The following CSRP2 variants were observed in gnomAD, a reference collection of about 807,000 sequenced individuals.
The protein encoded by CSRP2 is cysteine and glycine-rich protein 2.
Under a neutral mutation model 24.6 loss-of-function variants are expected in CSRP2, and 18 were observed. The observed-to-expected ratio is 0.73, with a 90% CI of 0.51 to 1.09. The LOEUF is 1.09. CSRP2 is among the 50% of genes least tolerant of loss of function. The pLI is 0.00. For missense variants in CSRP2, 215 were observed against 239.4 expected, an observed-to-expected ratio of 0.90 and a Z score of 0.67; for synonymous variants, 87 against 84.3, an observed-to-expected ratio of 1.03 and a Z score of -0.18.
In CSRP2 at chr12:76,860,266, T is replaced by C. The variant is rs1337473113; in HGVS notation, c.411+18A>G. On this transcript the variant is annotated intron_variant, in intron 4 of 5. Transcript: ENST00000311083. ...GAGAGAAGTCATTTGCTGTTATTAA[T>C]TCCAAATAGCACTTTACCTTTCCAG... The C allele has an allele frequency of 6.2e-7, 1 of 1,611,136 alleles. No individual in the cohort carries two copies. The highest frequency in any genetic ancestry group is 1.1e-5 in the South Asian group (1 of 90,938).
chr12:76,873,081 TAA>T (rs938549071), intron 1 of CSRP2, among the ~76,000 whole-genome samples: 2 of 152,336 alleles, frequency 1.3e-5, no homozygotes, highest in East Asian at 3.9e-4. Flanking sequence ...GCCCTGAAAC[TAA>T]AAGTTTGGAT....
chr12:76,868,993 T>C (rs1197731713), intron 1 of CSRP2, among the ~76,000 whole-genome samples: 2 of 151,466 alleles, frequency 1.3e-5, no homozygotes, highest in African/African-American at 4.8e-5. Flanking sequence ...ACTCTACCCC[T>C]ATCTTAGTCT....
At chr12:76,866,395 G>T in intron 1 of CSRP2, 134 bp from the exon 2 acceptor site, 1 of 597,222 alleles carries the variant, frequency 1.7e-6, no homozygotes, top group Non-Finnish European at 3.0e-6. Context: ...TCAAAGGCCT[G>T]CGTTCCTCCA....
chr12:76,867,241 C>T (rs528013941), intron 1 of CSRP2, among the ~76,000 whole-genome samples: 1 of 150,878 alleles, frequency 6.6e-6, no homozygotes, highest in East Asian at 2.0e-4. Context: ...GTAATCCCAG[C>T]ACTTTCGGAG....
chr12:76,877,393 A>G (rs978164761), intron 1 of CSRP2, among the ~76,000 whole-genome samples: 17 of 152,242 alleles, frequency 1.1e-4, no homozygotes, highest in Non-Finnish European at 1.9e-4. Context: ...ATACATTCGG[A>G]GAAATGCATT....
chr12:76,862,448 AGAG>A (rs1953691331), intron 3 of CSRP2: 1 of 160,846 alleles, frequency 6.2e-6, no homozygotes, highest in African/African-American at 2.4e-5. Context: ...GGCTGAGACA[AGAG>A]AATCACTTGA....
chr12:76,863,180 C>T lies in CSRP2; in HGVS notation c.277G>A (p.Glu93Lys). The T allele has an allele frequency of 6.2e-7, 1 of 1,612,270 alleles. No individual in the cohort carries two copies. ...ACCAACGGTCTCCCAACTCACCTCT[C>T]TGGTTTGATGCCCAGCCTCTCGCCA... ...DRGERLGIKP[E>K]SVQPHRPTTN... is the part of the protein sequence containing the mutation. The change falls in exon 3 of 6, where the codon GAG becomes AAG. Residue 93 changes from glutamate to lysine, a missense_variant. Transcript: ENST00000311083.
intron 1 of CSRP2, among the ~76,000 whole-genome samples, chr12:76,867,357 A>C (rs907196147): frequency 1.5e-5 from 2 of 133,198 alleles, no homozygotes; most frequent in Admixed American, 1.5e-4. Context: ...AAAAAAAAAA[A>C]AGATTAGCCG....
chr12:76,859,038 A>C lies in CSRP2; in HGVS notation c.506-10T>G, dbSNP rs757347974. The C allele has an allele frequency of 8.1e-6, 13 of 1,613,600 alleles. No homozygotes were observed. Among genetic ancestry groups the C allele is most frequent in the Non-Finnish European group, 1.1e-5 (13 of 1,179,506 alleles). On this transcript the variant is annotated splice_polypyrimidine_tract_variant and intron_variant, in intron 5 of 5. Transcript: ENST00000311083. ...TTCTTTGCATAGCATCCTACAAAGG[A>C]AAGGGAGGAAGGATAGTTAGTGCAA...
At chr12:76,871,011 AT>A (rs1219608761) in intron 1 of CSRP2, among the ~76,000 whole-genome samples, 2 of 143,960 alleles carry the variant, frequency 1.4e-5, no homozygotes, top group African/African-American at 5.1e-5. Context: ...GTGGATGGTG[AT>A]AGTTGAATAT....
At chr12:76,871,496 T>C (rs1006436297) in intron 1 of CSRP2, among the ~76,000 whole-genome samples, 38 of 152,154 alleles carry the variant, frequency 2.5e-4, no homozygotes, top group East Asian at 3.9e-4. Context: ...TCAAGCCGGA[T>C]GCGGTGGCTC....
At chr12:76,869,648 C>T (rs966799394) in intron 1 of CSRP2, among the ~76,000 whole-genome samples, 1 of 151,052 alleles carries the variant, frequency 6.6e-6, no homozygotes, top group Non-Finnish European at 1.5e-5. Flanking sequence ...CTTCTCTTAA[C>T]CAGACAGGAA....
At chr12:76,865,845 G>C (rs954926415) in intron 2 of CSRP2, 13 of 343,508 alleles carry the variant, frequency 3.8e-5, no homozygotes, top group African/African-American at 6.5e-5. Flanking sequence ...ACTGTGCTAG[G>C]TGCCAGACCA....
At chr12:76,878,286 G>C (rs1435915044) in intron 1 of CSRP2, 1 of 152,250 alleles carries the variant, frequency 6.6e-6, no homozygotes, top group African/African-American at 2.4e-5. Context: ...GAAAGTTCTG[G>C]AAAAAGCTAG....
chr12:76,871,718 A>C (rs1278035134), intron 1 of CSRP2, among the ~76,000 whole-genome samples: 1 of 150,790 alleles, frequency 6.6e-6, no homozygotes, highest in Non-Finnish European at 1.5e-5. Flanking sequence ...GAGCCGAGAT[A>C]GTGCCACTGC....
At chr12:76,866,437 C>T (rs998873376) in intron 1 of CSRP2, among the ~76,000 whole-genome samples, 176 bp from the exon 2 acceptor site, 1 of 151,570 alleles carries the variant, frequency 6.6e-6, no homozygotes, top group Admixed American at 6.6e-5. Context: ...CAAATAACAA[C>T]TCTTTCATTA....
At chr12:76,869,113 TA>T (rs1164504944) in intron 1 of CSRP2, among the ~76,000 whole-genome samples, 1 of 152,130 alleles carries the variant, frequency 6.6e-6, no homozygotes, top group African/African-American at 2.4e-5. Flanking sequence ...ATGGCAGGTT[TA>T]GTGTCTGCTA....
chr12:76,867,494 G>A (rs1953747349), intron 1 of CSRP2, among the ~76,000 whole-genome samples: 1 of 152,160 alleles, frequency 6.6e-6, no homozygotes, highest in Admixed American at 6.5e-5. Flanking sequence ...GGGCGACAGA[G>A]CGAGACTCTG....
At chr12:76,868,778 A>C (rs1010431175) in intron 1 of CSRP2, among the ~76,000 whole-genome samples, 7 of 151,958 alleles carry the variant, frequency 4.6e-5, no homozygotes, top group African/African-American at 1.7e-4. Context: ...CTAAAAATAC[A>C]AAAAATTAGC....
Sources: gnomAD v4.1 joint callset for allele counts (sites outside exome capture counted in the v4.1 genomes callset) on GRCh38, gnomAD v4.1.1 for gene constraint, MANE v1.5 for transcripts, NCBI Gene and HGNC (gene_info 2026-07-23, HGNC 2026-07-21) for gene names.